Variants in WWOX observed in about 807,000 individuals in gnomAD.
WWOX encodes WW domain containing oxidoreductase, also known as WW domain-containing oxidoreductase.
WWOX carries 69 observed loss-of-function variants against 46.2 expected under a neutral mutation model. The observed-to-expected ratio is 1.49, with a 90% CI of 1.23 to 1.82. WWOX has a LOEUF of 1.82. WWOX is among the 40% of genes most tolerant of loss of function. The pLI is 0.00. For missense variants in WWOX, 919 were observed against 542.6 expected (o/e 1.69, Z -6.89); for synonymous variants, 359 against 202.6 (o/e 1.77, Z -6.56).
At chr16:78,487,875 GCAACCTTATGT>G (rs1269016409) in intron 8 of WWOX, among the ~76,000 whole-genome samples, 2 of 152,092 alleles carry the variant, frequency 1.3e-5, no homozygotes, top group African/African-American at 4.8e-5. Context: ...AGGGCATAAG[GCAACCTTATGT>G]CACCAAATTA....
chr16:78,296,662 C>A (rs1597453506), intron 5 of WWOX, among the ~76,000 whole-genome samples: 1 of 151,774 alleles, frequency 6.6e-6, no homozygotes, highest in South Asian at 2.1e-4. Context: ...AAAAAAAAAT[C>A]AACATTTGCA....
At chr16:78,626,786 C>T (rs2046321137) in intron 8 of WWOX, among the ~76,000 whole-genome samples, 2 of 152,124 alleles carry the variant, frequency 1.3e-5, no homozygotes, top group Non-Finnish European at 2.9e-5. Context: ...GTCTTCTCCC[C>T]CATTTATTTA....
chr16:78,740,067 A>C (rs886710263), intron 8 of WWOX, among the ~76,000 whole-genome samples: 13 of 152,012 alleles, frequency 8.6e-5, no homozygotes, highest in Admixed American at 6.6e-4. Flanking sequence ...CACTGTGGTC[A>C]CCTTTGCCAC....
chr16:79,189,654 T>G (rs537753372), intron 8 of WWOX, among the ~76,000 whole-genome samples: 4 of 152,046 alleles, frequency 2.6e-5, no homozygotes, highest in African/African-American at 9.7e-5. Context: ...TGTTCTAATC[T>G]AAGGGGTTTG....
At chr16:78,250,312 C>G (rs138618111) in intron 5 of WWOX, among the ~76,000 whole-genome samples, 2 of 152,318 alleles carry the variant, frequency 1.3e-5, no homozygotes, top group East Asian at 3.9e-4. Flanking sequence ...GGGTTTGATT[C>G]TTAACTCTGC....
intron 5 of WWOX, among the ~76,000 whole-genome samples, chr16:78,311,025 C>T (rs893050857): frequency 3.3e-5 from 5 of 152,154 alleles, no homozygotes; most frequent in Non-Finnish European, 7.4e-5. Context: ...ACACCTAGTG[C>T]ACTGAAAGTC....
In WWOX at chr16:79,212,279, G is replaced by GACTGAGCCAGCTTA. The variant is rs1367761034; in HGVS notation, c.*484_*497dup. On this transcript the variant is annotated 3_prime_UTR_variant, in exon 9 of 9. Coordinates refer to ENST00000566780, the MANE Select transcript of WWOX (RefSeq NM_016373.4). The stretch of plus-strand genomic sequence containing the variant: ...TAATTGTTTCATTCATCCTGACCAA[G>GACTGAGCCAGCTTA]ACTGAGCCAGCTTAGCAACTGCTGG... The GACTGAGCCAGCTTA allele has an allele frequency of 6.7e-6, 8 of 1,188,484 alleles. No homozygotes were observed. The highest frequency in any genetic ancestry group is 8.0e-6 in the Non-Finnish European group (7 of 878,040). The allele number at this position is 1,188,484 out of a possible 1,614,324, so 73.6% of individuals were successfully genotyped here.
At chr16:79,158,225 T>G (rs10153236) in intron 8 of WWOX, among the ~76,000 whole-genome samples, 31,444 of 151,822 alleles carry the variant, frequency 0.21, 4,705 homozygotes, top group African/African-American at 0.42. Context: ...GAAGAACTAT[T>G]AAGGAGGAGA....
chr16:78,774,662 G>C (rs1312433500), intron 8 of WWOX, among the ~76,000 whole-genome samples: 2 of 152,076 alleles, frequency 1.3e-5, no homozygotes, highest in Non-Finnish European at 2.9e-5. Flanking sequence ...GCTCCGGGCA[G>C]TTCCTTGAAA....
chr16:78,241,778 C>T (rs1022516417), intron 5 of WWOX, among the ~76,000 whole-genome samples: 2 of 152,162 alleles, frequency 1.3e-5, no homozygotes, highest in African/African-American at 4.8e-5. Flanking sequence ...ATTATGACAT[C>T]ATTGCTCAGA....
intron 8 of WWOX, among the ~76,000 whole-genome samples, chr16:79,054,375 G>A (rs1326525489): frequency 6.6e-6 from 1 of 152,260 alleles, no homozygotes; most frequent in East Asian, 1.9e-4. Context: ...CTTTTGTACA[G>A]CTTGTTCAGT....
At chr16:78,611,600 T>G (rs558807827) in intron 8 of WWOX, among the ~76,000 whole-genome samples, 1 of 152,230 alleles carries the variant, frequency 6.6e-6, no homozygotes, top group African/African-American at 2.4e-5. Context: ...TTCAGAGAGT[T>G]ATTTTGGCAA....
intron 8 of WWOX, among the ~76,000 whole-genome samples, chr16:78,974,511 C>T (rs1210271215): frequency 6.6e-6 from 1 of 152,176 alleles, no homozygotes. Context: ...ATGAATCCGT[C>T]TCTGTTAAGG....
At chr16:78,877,373 G>C (rs1161590391) in intron 8 of WWOX, among the ~76,000 whole-genome samples, 1 of 151,686 alleles carries the variant, frequency 6.6e-6, no homozygotes, top group Non-Finnish European at 1.5e-5. Flanking sequence ...TGCCAGGTGT[G>C]TTCCTGTCTC....
chr16:78,622,288 A>G (rs1294661861), intron 8 of WWOX, among the ~76,000 whole-genome samples: 2 of 151,896 alleles, frequency 1.3e-5, no homozygotes, highest in Non-Finnish European at 2.9e-5. Context: ...CATGCTTGTA[A>G]TCCCAGCACT....
intron 8 of WWOX, chr16:78,825,393 G>T (rs910947524): frequency 7.5e-6 from 2 of 268,136 alleles, no homozygotes; most frequent in East Asian, 9.1e-5. Flanking sequence ...CTGAAGCTCA[G>T]GTTCAAGTTA....
intron 8 of WWOX, among the ~76,000 whole-genome samples, chr16:78,605,742 T>C (rs951548443): frequency 2.0e-5 from 3 of 152,176 alleles, no homozygotes; most frequent in African/African-American, 7.2e-5. Context: ...CCAGTTATCT[T>C]TGCCCTTCAT....
At chr16:78,384,867 G>A (rs1037758126) in intron 5 of WWOX, among the ~76,000 whole-genome samples, 2 of 152,124 alleles carry the variant, frequency 1.3e-5, no homozygotes, top group Non-Finnish European at 2.9e-5. Context: ...CAGGTGCGGT[G>A]GCTCACGCCT....
Position 78,339,230 on chromosome 16 carries a change from A to T in WWOX, c.517-47630A>T, listed in dbSNP as rs1312910154. ...CTATGCCATGTAGCATATCAAGATT[A>T]TTTTTCTTTCCTGCACCTTATTTTT... On this transcript the variant is annotated intron_variant, in intron 5 of 8. Transcript: ENST00000566780. Among the ~76,000 whole-genome samples the T allele has an allele frequency of 5.9e-5, 7 of 118,540 alleles. 2 individuals are homozygous for T. Among genetic ancestry groups the T allele is most frequent in the Non-Finnish European group, 1.2e-4 (6 of 49,808 alleles). 77.8% of individuals were successfully genotyped at this position (118,540 alleles called of 152,430 possible). A position where few individuals can be genotyped will look rare whatever the true frequency, so the allele number is the denominator to read the frequency against.
Sources: gnomAD v4.1 joint callset for allele counts (sites outside exome capture counted in the v4.1 genomes callset) on GRCh38, gnomAD v4.1.1 for gene constraint, MANE v1.5 for transcripts, NCBI Gene and HGNC (gene_info 2026-07-23, HGNC 2026-07-21) for gene names.